The following PDIA4 variants were observed in gnomAD, a reference collection of about 807,000 sequenced individuals.
PDIA4 encodes protein disulfide isomerase family A member 4, also known as protein disulfide-isomerase A4.
A neutral mutation model predicts 62.1 loss-of-function variants in PDIA4; 33 were observed. The ratio of observed to expected loss-of-function variants is 0.53; its 90% CI spans 0.40 to 0.71. The LOEUF (loss-of-function observed/expected upper bound fraction) is 0.71. PDIA4 is among the 30% of genes least tolerant of loss of function. The probability of loss-of-function intolerance (pLI) is 0.00; values close to 1 mark genes in which losing one functional copy is unlikely to be tolerated. For synonymous variants in PDIA4, 341 were observed against 324.1 expected (o/e 1.05, Z -0.56); for missense variants, 804 against 813.6 (o/e 0.99, Z 0.14).
At chr7:149,006,636 G>T (rs920249413) in intron 7 of PDIA4, among the ~76,000 whole-genome samples, 2 of 152,196 alleles carry the variant, frequency 1.3e-5, no homozygotes, top group African/African-American at 4.8e-5. Context: ...GGGCCCCGCT[G>T]GTGAGAAGGG....
At position 149,005,288 on chromosome 7, in the gene PDIA4, C is replaced by A. The variant is rs1342648790; in HGVS notation, c.1375G>T (p.Ala459Ser). The A allele has an allele frequency of 6.2e-7, 1 of 1,614,056 alleles. No individual in the cohort carries two copies. Among genetic ancestry groups the A allele is most frequent in the Non-Finnish European group, 8.5e-7 (1 of 1,180,020 alleles). Residue 459 changes from alanine (A) to serine (S), a missense_variant, in exon 9 of 10, where the codon GCT (alanine) becomes TCT (serine). Ala to Ser is a moderately conservative substitution (Grantham distance 99). Coordinates refer to ENST00000652332, the MANE Select transcript of PDIA4 (RefSeq NM_004911.5). The part of the protein sequence containing the change: ...TFAIADEEDY[A>S]GEVKDLGLSE... ...AGCCCCAGGTCCTTCACCTCCCCAG[C>A]ATAGTCCTCTTCGTCCGCAATGGCA...
Position 149,003,721 on chromosome 7 carries a change from C to T in PDIA4, c.*73G>A, listed in dbSNP as rs1823625928. 1 of 1,208,808 alleles carries T rather than the reference C, an allele frequency of 8.3e-7. No individual in the cohort carries two copies. The highest frequency in any genetic ancestry group is 1.1e-6 in the Non-Finnish European group (1 of 895,214). 74.9% of individuals were successfully genotyped at this position (1,208,808 alleles called of 1,614,324 possible). On this transcript the variant is annotated 3_prime_UTR_variant, in exon 10 of 10. Coordinates refer to ENST00000652332, the MANE Select transcript of PDIA4 (RefSeq NM_004911.5). The stretch of plus-strand genomic sequence containing the variant: ...CGAGATACTGTCGTTTGTTGCCGGC[C>T]TCGGCGTGGACGCCCCGACCATGGG...
intron 6 of PDIA4, among the ~76,000 whole-genome samples, chr7:149,010,189 C>T (rs560154178): frequency 6.6e-6 from 1 of 152,224 alleles, no homozygotes; most frequent in African/African-American, 2.4e-5. Context: ...AAAACAGAGG[C>T]ATTAAAATCC....
chr7:149,006,251 G>T, intron 7 of PDIA4, 198 bp from the exon 8 acceptor site: 1 of 528,196 alleles, frequency 1.9e-6, no homozygotes, highest in Non-Finnish European at 3.2e-6. Context: ...TCCCTCCAGT[G>T]AACCGTAGGT....
chr7:149,027,425 C>T (rs1488086599), intron 1 of PDIA4, among the ~76,000 whole-genome samples: 1 of 152,208 alleles, frequency 6.6e-6, no homozygotes, highest in African/African-American at 2.4e-5. Context: ...TTTCCCTACA[C>T]ACTAACATTA....
intron 4 of PDIA4, among the ~76,000 whole-genome samples, 157 bp downstream of exon 4, chr7:149,014,747 C>T (rs1056970060): frequency 2.6e-5 from 4 of 152,204 alleles, no homozygotes; most frequent in South Asian, 2.1e-4. Flanking sequence ...TCTCTTACAT[C>T]CACGCTTCTT....
At chr7:149,026,685 G>A (rs1261659002) in intron 1 of PDIA4, among the ~76,000 whole-genome samples, 1 of 151,698 alleles carries the variant, frequency 6.6e-6, no homozygotes, top group African/African-American at 2.4e-5. Context: ...TACAGTCCCA[G>A]CTCCTCGGGA....
At chr7:149,025,085 A>AAAAATATATAT (rs1554446854) in intron 1 of PDIA4, among the ~76,000 whole-genome samples, 1 of 22,336 alleles carries the variant, frequency 4.5e-5, no homozygotes, top group African/African-American at 6.1e-5. Flanking sequence ...AAAAAAAAAA[A>AAAAATATATAT]ATATATATAT....
At chr7:149,008,520 T>C (rs1003069779) in intron 6 of PDIA4, among the ~76,000 whole-genome samples, 1 of 151,744 alleles carries the variant, frequency 6.6e-6, no homozygotes, top group African/African-American at 2.4e-5. Context: ...CTGGCCAACA[T>C]GGTGAATCCC....
intron 4 of PDIA4, among the ~76,000 whole-genome samples, chr7:149,012,798 C>A (rs544114803): frequency 6.6e-6 from 1 of 151,984 alleles, no homozygotes; most frequent in African/African-American, 2.4e-5. Context: ...CAGGAGCCCA[C>A]GGGAGGTGGG....
rs575414511 is a variant in PDIA4, at chr7:149,015,136, A to T, written c.476-94T>A. ...GCAGATGAGGAGGGGGAAGAAAGCA[A>T]GTGTCGGGGCCCACAAGAACAGGAG... On this transcript the variant is annotated intron_variant, in intron 3 of 9. Transcript: ENST00000652332. 1.4e-4 allele frequency: 184 copies of T among 1,308,940 alleles called. 1 individual carries two copies. The African/African-American group carries it at 2.5e-3, about 18-fold the overall frequency. The allele number at this position is 1,308,940 out of a possible 1,614,324, so 81.1% of individuals were successfully genotyped here.
chr7:149,017,880 T>C (rs1293582760), intron 3 of PDIA4, among the ~76,000 whole-genome samples: 3 of 152,178 alleles, frequency 2.0e-5, no homozygotes, highest in Non-Finnish European at 2.9e-5. Context: ...TCTCAGCACA[T>C]GGCTTTGAGC....
rs758056984 is a variant in PDIA4 at position 149,014,931 on chromosome 7, A to C, written c.587T>G (p.Ile196Ser). Residue 196 changes from isoleucine (I) to serine (S), a missense_variant, in exon 4 of 10, where the codon ATC becomes AGC. Physicochemically the swap from Ile to Ser is moderately radical, Grantham distance 142 (BLOSUM62 -2). Coordinates refer to ENST00000652332, the MANE Select transcript of PDIA4 (RefSeq NM_004911.5). ...NFDEVVNDAD[I>S]ILVEFYAPWC... ...TGGGGCATAAAACTCCACCAGAATG[A>C]TATCTGCATCATTCACAACTTCATC... 2 of 1,614,156 alleles carry C rather than the reference A, an allele frequency of 1.2e-6. No individual in the cohort carries two copies. The highest frequency in any genetic ancestry group is 2.2e-5 in the South Asian group (2 of 91,080).
At chr7:149,006,080 G>T in intron 7 of PDIA4, 27 bp from the exon 8 acceptor site, 1 of 1,534,738 alleles carries the variant, frequency 6.5e-7, no homozygotes, top group Non-Finnish European at 8.7e-7. Flanking sequence ...ACAGGTGAGG[G>T]GGCCCACCAT....
chr7:149,004,313 G>A (rs1034970296), intron 9 of PDIA4, 104 bp from the exon 10 acceptor site: 84 of 1,072,760 alleles, frequency 7.8e-5, no homozygotes, highest in Admixed American at 1.1e-4. Context: ...GCCACCAGAC[G>A]GGCCAGTCAC....
rs763122880 is a variant in PDIA4 at position 149,012,293 on chromosome 7, G to A, written c.682C>T (p.Pro228Ser). The A allele has an allele frequency of 6.2e-7, 1 of 1,614,130 alleles. No homozygotes were observed. Among genetic ancestry groups the A allele is most frequent in the African/African-American group, 1.3e-5 (1 of 75,046 alleles). ...TCGACCTTTGCCAGGGGAATTGGAG[G>A]AGAACGCTTGCTGAGCTCCTTGGCG... Reference protein sequence around the residue: ...KAAKELSKRSPPIPLAKVDAT... With the variant: ...KAAKELSKRSSPIPLAKVDAT... The change falls in exon 5 of 10, where the codon CCT (proline) becomes TCT (serine). Residue 228 changes from proline (P) to serine (S), a missense_variant. Pro to Ser is a moderately conservative substitution (Grantham distance 74). Coordinates refer to ENST00000652332, the MANE Select transcript of PDIA4 (RefSeq NM_004911.5).
Position 149,020,967 on chromosome 7 carries a change from C to A in PDIA4, c.269G>T (p.Trp90Leu), listed in dbSNP as rs955386069. ...DTVLLEFYAPWCGHCKQFAPE... is the reference protein window; with the variant it reads ...DTVLLEFYAPLCGHCKQFAPE... ...GCAGAAATTAGAACGCGGTCCTTAC[C>A]ATGGAGCATAAAACTCCAGCAGCAC... Residue 90 changes from tryptophan (W) to leucine (L), a missense_variant and splice_region_variant, in exon 2 of 10, where the codon TGG (tryptophan) becomes TTG (leucine). Coordinates refer to ENST00000652332, the MANE Select transcript of PDIA4 (RefSeq NM_004911.5). 2.5e-6 allele frequency: 4 copies of A among 1,613,854 alleles called. No homozygotes were observed. The highest frequency in any genetic ancestry group is 3.4e-6 in the Non-Finnish European group (4 of 1,179,882).
At position 149,005,878 on chromosome 7, in the gene PDIA4, C is replaced by G. The variant is rs1333864998; in HGVS notation, c.1288+19G>C. The G allele has an allele frequency of 6.7e-7, 1 of 1,485,932 alleles. No homozygotes were observed. Among genetic ancestry groups the G allele is most frequent in the Non-Finnish European group, 8.9e-7 (1 of 1,124,558 alleles). 92.0% of individuals were successfully genotyped at this position (1,485,932 alleles called of 1,614,324 possible). ...CCCCCCACCCCCCACCCCCGCAGGT[C>G]TTGGTGGGGGTCCCTCACCAGCTCT... On this transcript the variant is annotated intron_variant, in intron 8 of 9. Coordinates refer to ENST00000652332, the MANE Select transcript of PDIA4 (RefSeq NM_004911.5).
intron 1 of PDIA4, among the ~76,000 whole-genome samples, chr7:149,023,327 T>C (rs1407982083): frequency 6.6e-6 from 1 of 152,198 alleles, no homozygotes; most frequent in Admixed American, 6.5e-5. Flanking sequence ...CTCTGCTCTG[T>C]GCTATTTAGA....
Sources: allele counts gnomAD v4.1 joint callset (sites outside exome capture counted in the v4.1 genomes callset), GRCh38; gene constraint gnomAD v4.1.1; transcripts MANE v1.5; gene names NCBI Gene and HGNC (gene_info 2026-07-23, HGNC 2026-07-21).